The following KCNJ3 variants were observed in gnomAD, a reference collection of about 807,000 sequenced individuals.
KCNJ3 encodes the protein potassium inwardly rectifying channel subfamily J member 3.
A neutral mutation model predicts 39.2 loss-of-function variants in KCNJ3; 4 were observed. The ratio of observed to expected loss-of-function variants is 0.10; its 90% confidence interval spans 0.05 to 0.23. The LOEUF is 0.23. KCNJ3 is among the 10% of genes least tolerant of loss of function. The pLI, the probability that KCNJ3 is intolerant of heterozygous loss-of-function variation, is 1.00. For missense variants in KCNJ3, 276 were observed against 634.9 expected, an observed-to-expected ratio of 0.43 and a Z score of 6.08; for synonymous variants, 230 against 237.4, an observed-to-expected ratio of 0.97 and a Z score of 0.29.
chr2:154,722,012 C>T (rs2105160432), intron 2 of KCNJ3, among the ~76,000 whole-genome samples: 1 of 152,122 alleles, frequency 6.6e-6, no homozygotes, highest in East Asian at 1.9e-4. Flanking sequence ...ATAATCTTTT[C>T]TATTTCTAGG....
intron 2 of KCNJ3, among the ~76,000 whole-genome samples, chr2:154,852,068 T>C (rs10211563): frequency 0.013 from 1,935 of 152,330 alleles, 49 homozygotes; most frequent in African/African-American, 0.043. Context: ...CTTTAACTCA[T>C]TGTAAATATT....
chr2:154,700,375 T>G (rs1684867304), intron 1 of KCNJ3, among the ~76,000 whole-genome samples: 1 of 152,210 alleles, frequency 6.6e-6, no homozygotes, highest in East Asian at 1.9e-4. Context: ...GAAGTCCTTC[T>G]TAATCACTCA....
intron 2 of KCNJ3, among the ~76,000 whole-genome samples, chr2:154,794,065 T>C (rs954722141): frequency 2.0e-5 from 3 of 151,896 alleles, no homozygotes; most frequent in African/African-American, 7.2e-5. Flanking sequence ...AAAAGTTTGG[T>C]TTTGCTGAAT....
At chr2:154,829,088 G>A (rs1205752324) in intron 2 of KCNJ3, among the ~76,000 whole-genome samples, 1 of 152,102 alleles carries the variant, frequency 6.6e-6, no homozygotes, top group East Asian at 1.9e-4. Context: ...ACCTCAGAAT[G>A]GGTATACTAA....
intron 1 of KCNJ3, among the ~76,000 whole-genome samples, chr2:154,700,164 G>A (rs1684862954): frequency 6.6e-6 from 1 of 152,142 alleles, no homozygotes; most frequent in Non-Finnish European, 1.5e-5. Context: ...TTTTCCTGTA[G>A]AGCCTCTTGT....
At chr2:154,821,018 A>G (rs1343160257) in intron 2 of KCNJ3, among the ~76,000 whole-genome samples, 1 of 152,192 alleles carries the variant, frequency 6.6e-6, no homozygotes, top group Non-Finnish European at 1.5e-5. Context: ...AAGTATCATT[A>G]TGAGCTCCTG....
At chr2:154,769,250 T>A in intron 2 of KCNJ3, among the ~76,000 whole-genome samples, 1 of 152,192 alleles carries the variant, frequency 6.6e-6, no homozygotes, top group East Asian at 1.9e-4. Flanking sequence ...AGAGAGGGCA[T>A]CCCTGTCTTG....
At chr2:154,846,917 T>A (rs915747499) in intron 2 of KCNJ3, among the ~76,000 whole-genome samples, 9 of 152,310 alleles carry the variant, frequency 5.9e-5, no homozygotes, top group South Asian at 4.1e-4. Flanking sequence ...TTTAGTTTTT[T>A]AAAATTCTTT....
At chr2:154,708,794 G>A (rs968244691) in intron 1 of KCNJ3, among the ~76,000 whole-genome samples, 1 of 152,092 alleles carries the variant, frequency 6.6e-6, no homozygotes, top group African/African-American at 2.4e-5. Context: ...GCTTTAGAGT[G>A]ATTTATACCG....
At chr2:154,789,464 C>G (rs766241264) in intron 2 of KCNJ3, among the ~76,000 whole-genome samples, 3 of 151,854 alleles carry the variant, frequency 2.0e-5, no homozygotes, top group Non-Finnish European at 4.4e-5. Flanking sequence ...CATATTGTGC[C>G]CTTCATATAA....
chr2:154,821,619 A>T (rs1450137165), intron 2 of KCNJ3, among the ~76,000 whole-genome samples: 1 of 150,964 alleles, frequency 6.6e-6, no homozygotes, highest in Non-Finnish European at 1.5e-5. Context: ...CCAAAAAAAG[A>T]AAAAGAGAAT....
rs200111474 is a variant in KCNJ3, at chr2:154,855,623, A to T, written c.*310A>T. The T allele has an allele frequency of 0.13, 21,472 of 166,426 alleles. 1,817 individuals are homozygous for T. Among genetic ancestry groups the T allele is most frequent in the African/African-American group, 0.22 (9,132 of 41,552 alleles). 10.3% of individuals were successfully genotyped at this position (166,426 alleles called of 1,614,324 possible). A position where few individuals can be genotyped will look rare whatever the true frequency, so the allele number is the denominator to read the frequency against. On this transcript the variant is annotated 3_prime_UTR_variant, in exon 3 of 3. Transcript: ENST00000295101. Reference sequence around the variant, plus strand: ...TTTATATTGTATATTCTGGAAAAAAAATATATATATATATTTAAAGGGGAG... The same window carrying T: ...TTTATATTGTATATTCTGGAAAAAATATATATATATATATTTAAAGGGGAG...
Position 154,855,828 on chromosome 2 carries a change from T to G in KCNJ3, c.*515T>G, listed in dbSNP as rs1206883380. ...ACATATATATCTGATAAAATTGTGATGTTTTGTTCAAAGTTGTAGTTCTTG... is the reference window on the plus strand; with the variant it reads ...ACATATATATCTGATAAAATTGTGAGGTTTTGTTCAAAGTTGTAGTTCTTG... On this transcript the variant is annotated 3_prime_UTR_variant, in exon 3 of 3. Transcript: ENST00000295101. 6.6e-6 allele frequency: 1 copy of G among 152,484 alleles called. No homozygotes were observed. The highest frequency in any genetic ancestry group is 1.5e-5 in the Non-Finnish European group (1 of 67,968). The allele number at this position is 152,484 out of a possible 1,614,324, so 9.4% of individuals were successfully genotyped here.
At position 154,699,555 on chromosome 2, in the gene KCNJ3, C is replaced by T. The variant is rs368875024; in HGVS notation, c.702+78C>T. 2.3e-3 allele frequency: 3,385 copies of T among 1,481,932 alleles called. 103 individuals are homozygous for T. In the South Asian group the frequency reaches 0.042, roughly 18 times the overall value. The allele number at this position is 1,481,932 out of a possible 1,614,324, so 91.8% of individuals were successfully genotyped here. ...CGGAGTAACTCGTCTGAGAACCAGCCCGGGCCCCCTCCCCTGGTTCTACCT... is the reference window on the plus strand; with the variant it reads ...CGGAGTAACTCGTCTGAGAACCAGCTCGGGCCCCCTCCCCTGGTTCTACCT... On this transcript the variant is annotated intron_variant, in intron 1 of 2. Coordinates refer to ENST00000295101, the MANE Select transcript of KCNJ3 (RefSeq NM_002239.4). The surrounding 1 kb of genome is among the most constrained non-coding windows in gnomAD (Gnocchi z 6.4).
intron 2 of KCNJ3, among the ~76,000 whole-genome samples, chr2:154,717,715 T>C (rs1329745083): frequency 6.6e-6 from 1 of 152,166 alleles, no homozygotes; most frequent in Non-Finnish European, 1.5e-5. Flanking sequence ...GAAAAACAGC[T>C]AGGAATTTTC....
chr2:154,728,322 A>T (rs1219901769), intron 2 of KCNJ3, among the ~76,000 whole-genome samples: 1 of 152,074 alleles, frequency 6.6e-6, no homozygotes, highest in Non-Finnish European at 1.5e-5. Context: ...TGCTTGTTGG[A>T]TGCTTGTCTT....
intron 2 of KCNJ3, among the ~76,000 whole-genome samples, chr2:154,724,530 A>G (rs933101417): frequency 5.9e-5 from 9 of 152,020 alleles, no homozygotes; most frequent in Non-Finnish European, 8.8e-5. Flanking sequence ...GTTATTAAAC[A>G]TTTCCTGCTC....
chr2:154,728,929 G>T (rs1022576285), intron 2 of KCNJ3, among the ~76,000 whole-genome samples: 1 of 151,992 alleles, frequency 6.6e-6, no homozygotes, highest in African/African-American at 2.4e-5. Flanking sequence ...ATGTTAGTGG[G>T]TTTAGCACAT....
At chr2:154,756,745 G>A (rs945352229) in intron 2 of KCNJ3, among the ~76,000 whole-genome samples, 4 of 151,642 alleles carry the variant, frequency 2.6e-5, no homozygotes, top group African/African-American at 9.7e-5. Flanking sequence ...ATGTACCCCG[G>A]AACTTAAAGT....
Sources: allele counts gnomAD v4.1 joint callset (sites outside exome capture counted in the v4.1 genomes callset), GRCh38; gene constraint gnomAD v4.1.1; non-coding constraint Gnocchi (gnomAD v3.1); transcripts MANE v1.5; gene names NCBI Gene and HGNC (gene_info 2026-07-23, HGNC 2026-07-21).